The following FSIP1 variants were observed in gnomAD, a reference collection of about 807,000 sequenced individuals.
The protein encoded by FSIP1 is fibrous sheath interacting protein 1.
Under a neutral mutation model 60.9 loss-of-function variants are expected in FSIP1, and 65 were observed. The observed-to-expected ratio is 1.07, with a 90% CI of 0.87 to 1.31. The LOEUF is 1.31. FSIP1 is among the 40% of genes most tolerant of loss of function. The pLI, the probability that FSIP1 is intolerant of heterozygous loss-of-function variation, is 0.00. For missense variants in FSIP1, 675 were observed against 665.5 expected (o/e 1.01, Z -0.16); for synonymous variants, 209 against 221.2 (o/e 0.94, Z 0.49).
intron 10 of FSIP1, among the ~76,000 whole-genome samples, chr15:39,675,627 T>C (rs1893908202): frequency 6.6e-6 from 1 of 152,150 alleles, no homozygotes; most frequent in South Asian, 2.1e-4. Flanking sequence ...TTATCAAATA[T>C]AAACTTAAAT....
At chr15:39,602,600 T>C (rs763377192) in intron 11 of FSIP1, among the ~76,000 whole-genome samples, 35 of 152,168 alleles carry the variant, frequency 2.3e-4, no homozygotes, top group Admixed American at 3.9e-4. Flanking sequence ...AGAAGAAATA[T>C]TAAACAGGAT....
At chr15:39,745,916 C>T (rs1896976536) in intron 5 of FSIP1, among the ~76,000 whole-genome samples, 1 of 151,936 alleles carries the variant, frequency 6.6e-6, no homozygotes, top group Non-Finnish European at 1.5e-5. Context: ...CCCATCTCTA[C>T]AGAAATTTAA....
intron 10 of FSIP1, among the ~76,000 whole-genome samples, chr15:39,668,369 A>G (rs1893585023): frequency 6.6e-6 from 1 of 152,140 alleles, no homozygotes; most frequent in African/African-American, 2.4e-5. Flanking sequence ...ATTTCTCCAG[A>G]ACAAAAATCT....
chr15:39,679,408 A>T (rs1390349291), intron 10 of FSIP1, among the ~76,000 whole-genome samples: 1 of 152,154 alleles, frequency 6.6e-6, no homozygotes, highest in Non-Finnish European at 1.5e-5. Flanking sequence ...CTCAGCTACT[A>T]TTCAGCCGAG....
At chr15:39,781,179 G>A (rs1377476123) in intron 1 of FSIP1, among the ~76,000 whole-genome samples, 1 of 152,120 alleles carries the variant, frequency 6.6e-6, no homozygotes, top group Non-Finnish European at 1.5e-5. Context: ...CATCACCCCA[G>A]ATGATGTACG....
intron 10 of FSIP1, among the ~76,000 whole-genome samples, chr15:39,676,585 C>A (rs1011528241): frequency 6.6e-6 from 1 of 150,952 alleles, no homozygotes; most frequent in African/African-American, 2.5e-5. Flanking sequence ...TCCCAACTCT[C>A]AGAATATACT....
intron 2 of FSIP1, among the ~76,000 whole-genome samples, chr15:39,774,922 C>T (rs1379719878): frequency 6.6e-6 from 1 of 152,224 alleles, no homozygotes; most frequent in African/African-American, 2.4e-5. Flanking sequence ...AACCCATAAT[C>T]CAGGTATAGC....
intron 5 of FSIP1, among the ~76,000 whole-genome samples, chr15:39,752,552 C>T (rs2171311): frequency 0.28 from 42,175 of 151,928 alleles, 6,866 homozygotes; most frequent in Non-Finnish European, 0.38. Context: ...AACACATACT[C>T]TCAGTCTAAT....
chr15:39,646,482 G>A (rs540132167), intron 10 of FSIP1, among the ~76,000 whole-genome samples: 10 of 124,318 alleles, frequency 8.0e-5, no homozygotes, highest in Admixed American at 6.1e-4. Context: ...CCAGGAGTTC[G>A]AGACAGGCCT....
At chr15:39,727,477 A>T (rs1896243294) in intron 8 of FSIP1, among the ~76,000 whole-genome samples, 1 of 152,216 alleles carries the variant, frequency 6.6e-6, no homozygotes, top group South Asian at 2.1e-4. Flanking sequence ...TAATCAAAGA[A>T]ACACCATGAT....
intron 10 of FSIP1, among the ~76,000 whole-genome samples, chr15:39,681,912 G>A (rs142656623): frequency 6.6e-6 from 1 of 152,194 alleles, no homozygotes; most frequent in African/African-American, 2.4e-5. Flanking sequence ...GACCTACTGA[G>A]ATGCTTTCTC....
intron 10 of FSIP1, among the ~76,000 whole-genome samples, chr15:39,657,219 G>A (rs981617052): frequency 3.3e-5 from 5 of 152,244 alleles, no homozygotes; most frequent in Non-Finnish European, 7.3e-5. Flanking sequence ...AAAGAGGGAA[G>A]CAGTAATCCA....
chr15:39,691,363 G>A (rs983783756), intron 10 of FSIP1, among the ~76,000 whole-genome samples: 3 of 152,164 alleles, frequency 2.0e-5, no homozygotes, highest in South Asian at 2.1e-4. Context: ...GATGAAAGTC[G>A]CCCCACTGCA....
At chr15:39,636,264 C>A (rs1226913078) in intron 10 of FSIP1, among the ~76,000 whole-genome samples, 3 of 152,156 alleles carry the variant, frequency 2.0e-5, no homozygotes, top group Admixed American at 2.0e-4. Flanking sequence ...AAATTCAAGC[C>A]ATCTAAAGTG....
intron 5 of FSIP1, among the ~76,000 whole-genome samples, chr15:39,760,888 T>C (rs776219259): frequency 5.3e-5 from 8 of 152,140 alleles, no homozygotes; most frequent in Non-Finnish European, 1.0e-4. Context: ...TCTGTACTAC[T>C]TATGCAAGTT....
chr15:39,641,638 TGAA>T (rs1203727875), intron 10 of FSIP1, among the ~76,000 whole-genome samples: 1 of 152,046 alleles, frequency 6.6e-6, no homozygotes, highest in Non-Finnish European at 1.5e-5. Flanking sequence ...GTTTACCTGA[TGAA>T]ATGTTTCAGA....
At chr15:39,756,730 T>C (rs530144311) in intron 5 of FSIP1, among the ~76,000 whole-genome samples, 2 of 152,040 alleles carry the variant, frequency 1.3e-5, no homozygotes, top group Admixed American at 6.6e-5. Flanking sequence ...AGACAAAAAA[T>C]GAAAAGAAAG....
intron 11 of FSIP1, among the ~76,000 whole-genome samples, chr15:39,615,653 C>T (rs1027177072): frequency 3.3e-5 from 5 of 150,632 alleles, no homozygotes; most frequent in African/African-American, 4.9e-5. Flanking sequence ...TTTGGGAGGC[C>T]GAGGTGGGCA....
chr15:39,711,186 T>A (rs1163612009), intron 10 of FSIP1, among the ~76,000 whole-genome samples: 2 of 152,184 alleles, frequency 1.3e-5, no homozygotes, highest in African/African-American at 4.8e-5. Context: ...TTTCTCACAG[T>A]TCTAGAAGCT....
Sources: gnomAD v4.1 joint callset for allele counts (sites outside exome capture counted in the v4.1 genomes callset) on GRCh38, gnomAD v4.1.1 for gene constraint, MANE v1.5 for transcripts, NCBI Gene and HGNC (gene_info 2026-07-23, HGNC 2026-07-21) for gene names.